Variants in MAN1A2 observed in about 807,000 individuals in gnomAD.
The protein encoded by MAN1A2 is mannosidase alpha class 1A member 2, also known as mannosyl-oligosaccharide 1,2-alpha-mannosidase IB.
Under a neutral mutation model 75.7 loss-of-function variants are expected in MAN1A2, and 26 were observed. The observed-to-expected ratio is 0.34, with a 90% CI of 0.25 to 0.48. The LOEUF (loss-of-function observed/expected upper bound fraction) is 0.48. MAN1A2 is among the 20% of genes least tolerant of loss of function. The pLI is 0.99. For missense variants in MAN1A2, 562 were observed against 775.5 expected (o/e 0.72, Z 3.27); for synonymous variants, 247 against 264.6 (o/e 0.93, Z 0.65).
chr1:117,434,900 T>C lies in MAN1A2; in HGVS notation c.856-7331T>C, dbSNP rs551698026. ...GAGAGATATAAATGATTTCAGGGTATTTTGGAGATAAATTTAAAAGGATTG... is the reference window on the plus strand; with the variant it reads ...GAGAGATATAAATGATTTCAGGGTACTTTGGAGATAAATTTAAAAGGATTG... On this transcript the variant is annotated intron_variant, in intron 5 of 12. Transcript: ENST00000356554. Among the ~76,000 whole-genome samples, 294 of 151,918 alleles carry C rather than the reference T, an allele frequency of 1.9e-3. 1 individual carries two copies. The highest frequency in any genetic ancestry group is 6.8e-3 in the African/African-American group (282 of 41,398).
Position 117,525,050 on chromosome 1 carries a change from A to G in MAN1A2, c.*2093A>G. The G allele has an allele frequency of 2.0e-6, 1 of 500,192 alleles. No homozygotes were observed. The highest frequency in any genetic ancestry group is 1.5e-5 in the South Asian group (1 of 66,418). The allele number at this position is 500,192 out of a possible 1,614,324, so 31.0% of individuals were successfully genotyped here. A position where few individuals can be genotyped will look rare whatever the true frequency, so the allele number is the denominator to read the frequency against. Reference sequence around the variant, plus strand: ...CTCTGAATTCTCTTTTACCTTATTTAGAAGAATGCAGAGTAAAGGGACCTT... The same window carrying G: ...CTCTGAATTCTCTTTTACCTTATTTGGAAGAATGCAGAGTAAAGGGACCTT... On this transcript the variant is annotated 3_prime_UTR_variant, in exon 13 of 13. Coordinates refer to ENST00000356554, the MANE Select transcript of MAN1A2 (RefSeq NM_006699.5).
intron 1 of MAN1A2, among the ~76,000 whole-genome samples, chr1:117,387,392 A>G (rs1168310985): frequency 6.6e-6 from 1 of 152,134 alleles, no homozygotes; most frequent in Non-Finnish European, 1.5e-5. Flanking sequence ...TAAAAGTAGC[A>G]GTTGGTTTGG....
chr1:117,410,476 T>C (rs1235190902), intron 3 of MAN1A2, among the ~76,000 whole-genome samples: 1 of 151,580 alleles, frequency 6.6e-6, no homozygotes, highest in African/African-American at 2.4e-5. Context: ...AAGCAAAAAA[T>C]GCAAAATACC....
At chr1:117,511,262 G>A (rs1427663259) in intron 12 of MAN1A2, among the ~76,000 whole-genome samples, 2 of 151,920 alleles carry the variant, frequency 1.3e-5, no homozygotes, top group African/African-American at 4.8e-5. Flanking sequence ...CTACATATGG[G>A]GATTATGGGG....
At chr1:117,483,118 A>G (rs1228522145) in intron 8 of MAN1A2, among the ~76,000 whole-genome samples, 2 of 152,146 alleles carry the variant, frequency 1.3e-5, no homozygotes, top group Non-Finnish European at 1.5e-5. Context: ...TGGTACCAAT[A>G]CCATGCTGTT....
At chr1:117,469,463 G>T (rs1650079680) in intron 8 of MAN1A2, among the ~76,000 whole-genome samples, 1 of 151,890 alleles carries the variant, frequency 6.6e-6, no homozygotes. Context: ...AGATAAATTG[G>T]ATTTGATTAA....
intron 3 of MAN1A2, among the ~76,000 whole-genome samples, chr1:117,409,851 T>C (rs1320104970): frequency 6.6e-6 from 1 of 152,070 alleles, no homozygotes; most frequent in Non-Finnish European, 1.5e-5. Flanking sequence ...CAATATCCCT[T>C]ATGAACATAG....
intron 4 of MAN1A2, among the ~76,000 whole-genome samples, chr1:117,417,719 C>T (rs1363083457): frequency 6.6e-6 from 1 of 150,982 alleles, no homozygotes; most frequent in Non-Finnish European, 1.5e-5. Context: ...CTCTCTCTCT[C>T]TCTCTCTCTC....
intron 7 of MAN1A2, among the ~76,000 whole-genome samples, chr1:117,464,362 A>AAAAAAAAAG (rs1366935047): frequency 2.0e-5 from 3 of 151,778 alleles, no homozygotes; most frequent in East Asian, 1.9e-4. Context: ...CTGTCAAAAA[A>AAAAAAAAAG]AAAAGAAACA....
At chr1:117,512,783 A>ACACACACG in intron 12 of MAN1A2, among the ~76,000 whole-genome samples, 1 of 151,644 alleles carries the variant, frequency 6.6e-6, no homozygotes, top group Non-Finnish European at 1.5e-5. Flanking sequence ...ACACACACAC[A>ACACACACG]CGTAGGAACA....
chr1:117,398,238 A>AT (rs1647282975), intron 1 of MAN1A2, among the ~76,000 whole-genome samples: 6 of 152,180 alleles, frequency 3.9e-5, no homozygotes, highest in Admixed American at 1.3e-4. Flanking sequence ...CAGACTGTAT[A>AT]TTAGGGAGAT....
chr1:117,433,054 A>G (rs1648726230), intron 5 of MAN1A2, among the ~76,000 whole-genome samples: 1 of 151,640 alleles, frequency 6.6e-6, no homozygotes, highest in Admixed American at 6.6e-5. Flanking sequence ...TTAATTAACA[A>G]TAAAGGAGAA....
At chr1:117,419,185 A>T (rs1466091735) in intron 4 of MAN1A2, among the ~76,000 whole-genome samples, 2 of 152,116 alleles carry the variant, frequency 1.3e-5, no homozygotes, top group East Asian at 3.9e-4. Flanking sequence ...CTTGAGTGTT[A>T]TGTGAAGGCA....
At position 117,409,614 on chromosome 1, in the gene MAN1A2, A is replaced by G. The variant is rs150851619; in HGVS notation, c.655+3969A>G. On this transcript the variant is annotated intron_variant, in intron 3 of 12. Transcript: ENST00000356554. ...TAATGGGGTTGTTCAGGCTGTCTCT[A>G]TCTTAGTTGGGTTTCTGTCTCATTC... Among the ~76,000 whole-genome samples the G allele has an allele frequency of 5.3e-4, 80 of 152,112 alleles. 1 individual carries two copies. In the East Asian group the frequency reaches 0.01, roughly 19 times the overall value.
intron 6 of MAN1A2, among the ~76,000 whole-genome samples, chr1:117,453,100 C>T (rs1649474813): frequency 6.6e-6 from 1 of 152,192 alleles, no homozygotes; most frequent in Non-Finnish European, 1.5e-5. Context: ...TTGAAACCTA[C>T]TGCTAAGCAA....
At chr1:117,479,414 C>T (rs1650422702) in intron 8 of MAN1A2, among the ~76,000 whole-genome samples, 1 of 151,874 alleles carries the variant, frequency 6.6e-6, no homozygotes, top group African/African-American at 2.4e-5. Flanking sequence ...CATAAGCTTG[C>T]ATATATCTTC....
chr1:117,458,346 AG>A (rs1649669028), intron 6 of MAN1A2, among the ~76,000 whole-genome samples: 1 of 151,680 alleles, frequency 6.6e-6, no homozygotes, highest in Non-Finnish European at 1.5e-5. Context: ...ATTTTCAGAC[AG>A]TTTAAAAATA....
At chr1:117,381,133 G>T (rs549990627) in intron 1 of MAN1A2, among the ~76,000 whole-genome samples, 1 of 152,054 alleles carries the variant, frequency 6.6e-6, no homozygotes, top group South Asian at 2.1e-4. Flanking sequence ...AAATGCAATT[G>T]TTCTCTTAAT....
intron 6 of MAN1A2, among the ~76,000 whole-genome samples, chr1:117,449,559 A>C: frequency 1.7e-5 from 1 of 59,690 alleles, no homozygotes; most frequent in Admixed American, 1.3e-4. Context: ...ACCCTGTCTC[A>C]AAAAAAAAAA....
Sources: allele counts gnomAD v4.1 joint callset (sites outside exome capture counted in the v4.1 genomes callset), GRCh38; gene constraint gnomAD v4.1.1; transcripts MANE v1.5; gene names NCBI Gene and HGNC (gene_info 2026-07-23, HGNC 2026-07-21).